SUGCT: variants seen among roughly 807,000 people sequenced by gnomAD.
The protein encoded by SUGCT is succinyl-CoA:glutarate CoA-transferase.
A neutral mutation model predicts 55.0 loss-of-function variants in SUGCT; 41 were observed. That is an observed-to-expected ratio of 0.74 (90% CI 0.58 to 0.97). The LOEUF (loss-of-function observed/expected upper bound fraction) is 0.97, where lower values mean the gene tolerates loss of function less well. Among genes scored for constraint, SUGCT ranks in the 50% least tolerant of loss-of-function variants. The probability of loss-of-function intolerance (pLI) is 0.00; values close to 1 mark genes in which losing one functional copy is unlikely to be tolerated. For missense variants in SUGCT, 568 were observed against 547.8 expected, an observed-to-expected ratio of 1.04 and a Z score of -0.37; for synonymous variants, 187 against 200.4, an observed-to-expected ratio of 0.93 and a Z score of 0.56.
At chr7:40,817,425 C>A (rs1439116845) in intron 13 of SUGCT, among the ~76,000 whole-genome samples, 1 of 152,072 alleles carries the variant, frequency 6.6e-6, no homozygotes, top group Non-Finnish European at 1.5e-5. Context: ...TGAAGACATA[C>A]TGGAGAGAAG....
chr7:40,249,568 C>T (rs1426486879), intron 7 of SUGCT, among the ~76,000 whole-genome samples: 1 of 151,260 alleles, frequency 6.6e-6, no homozygotes, highest in African/African-American at 2.4e-5. Context: ...CTTAGAATAA[C>T]ATATTTCCTT....
chr7:40,519,423 T>C (rs897219865), intron 12 of SUGCT, among the ~76,000 whole-genome samples: 15 of 152,018 alleles, frequency 9.9e-5, no homozygotes, highest in African/African-American at 3.4e-4. Context: ...CTAGAGTACA[T>C]AGGAACCCTT....
intron 12 of SUGCT, among the ~76,000 whole-genome samples, chr7:40,691,216 G>C (rs1261044201): frequency 2.0e-5 from 3 of 152,132 alleles, no homozygotes; most frequent in Non-Finnish European, 4.4e-5. Flanking sequence ...TGGTTTTTGG[G>C]CTCAAGGTCA....
At chr7:40,395,428 G>T (rs983459009) in intron 9 of SUGCT, among the ~76,000 whole-genome samples, 4 of 142,232 alleles carry the variant, frequency 2.8e-5, no homozygotes, top group African/African-American at 1.1e-4. Flanking sequence ...GGCAGAAGTT[G>T]CAGTGAGCCG....
intron 12 of SUGCT, among the ~76,000 whole-genome samples, chr7:40,498,388 G>A (rs1792100562): frequency 6.6e-6 from 1 of 152,156 alleles, no homozygotes; most frequent in South Asian, 2.1e-4. Flanking sequence ...TTATTAGAAA[G>A]GTAGGGGTTA....
At position 40,579,625 on chromosome 7, in the gene SUGCT, G is replaced by C. The variant is rs573056086; in HGVS notation, c.1089+83239G>C. Among the ~76,000 whole-genome samples, 5 of 152,324 alleles carry C rather than the reference G, an allele frequency of 3.3e-5. No individual in the cohort carries two copies. In the South Asian group the frequency reaches 1.0e-3, roughly 32 times the overall value. On this transcript the variant is annotated intron_variant, in intron 12 of 13. Transcript: ENST00000335693. ...TTATGGAAACAGACATAAATGGTGT[G>C]GGGGTGTCGTAGCACGTGGGTGTCT...
the SUGCT span, among the ~76,000 whole-genome samples, chr7:40,992,477 G>C: frequency 0.83 from 125,878 of 151,954 alleles, 52,289 homozygotes; most frequent in Non-Finnish European, 0.87. Context: ...GCCTTAACCT[G>C]TTGAAAACAC....
chr7:40,340,766 A>T lies in SUGCT; in HGVS notation c.816+23911A>T, dbSNP rs537745639. Reference sequence around the variant, plus strand: ...TTCAGAAATAAAAGCGTTTTTATACATGAAAGATAGAAGGTCGACTGGAGA... The same window carrying T: ...TTCAGAAATAAAAGCGTTTTTATACTTGAAAGATAGAAGGTCGACTGGAGA... On this transcript the variant is annotated intron_variant, in intron 9 of 13. Coordinates refer to ENST00000335693, the MANE Select transcript of SUGCT (RefSeq NM_001193313.2). Among the ~76,000 whole-genome samples, 4 of 152,360 alleles carry T rather than the reference A, an allele frequency of 2.6e-5. No individual in the cohort carries two copies. The East Asian group carries it at 7.7e-4, about 29-fold the overall frequency.
At chr7:40,376,121 T>C (rs1392084225) in intron 9 of SUGCT, among the ~76,000 whole-genome samples, 2 of 152,212 alleles carry the variant, frequency 1.3e-5, no homozygotes, top group Admixed American at 6.5e-5. Flanking sequence ...TAAAAAGTTA[T>C]AGGATTAGTA....
At chr7:40,438,177 A>G (rs1455250517) in intron 9 of SUGCT, among the ~76,000 whole-genome samples, 1 of 152,174 alleles carries the variant, frequency 6.6e-6, no homozygotes, top group East Asian at 1.9e-4. Context: ...CAGGAGCAGC[A>G]GAAATTCTCA....
intron 8 of SUGCT, among the ~76,000 whole-genome samples, chr7:40,292,887 C>T (rs190748836): frequency 6.6e-6 from 1 of 152,178 alleles, no homozygotes; most frequent in African/African-American, 2.4e-5. Flanking sequence ...TTCTGATACA[C>T]ATTCTACTTC....
At chr7:40,676,638 G>T (rs1783999041) in intron 12 of SUGCT, among the ~76,000 whole-genome samples, 1 of 151,832 alleles carries the variant, frequency 6.6e-6, no homozygotes, top group Non-Finnish European at 1.5e-5. Context: ...GAGTAGCTGG[G>T]ATTACAGGCA....
the SUGCT span, among the ~76,000 whole-genome samples, chr7:41,020,691 G>A: frequency 2.8e-4 from 42 of 152,152 alleles, 1 homozygote; most frequent in Non-Finnish European, 1.0e-4. Context: ...TCTTCTATAG[G>A]AAGTAAAGAA....
intron 12 of SUGCT, among the ~76,000 whole-genome samples, chr7:40,696,242 C>T (rs907196839): frequency 2.0e-5 from 3 of 152,182 alleles, no homozygotes; most frequent in African/African-American, 7.2e-5. Context: ...GATACCTGTG[C>T]CGTTATCCTA....
chr7:40,898,440 C>G, the SUGCT span, among the ~76,000 whole-genome samples: 2 of 119,966 alleles, frequency 1.7e-5, no homozygotes, highest in Non-Finnish European at 3.1e-5. Flanking sequence ...CTCGGCAGGG[C>G]ATTGGGGCTC....
the SUGCT span, among the ~76,000 whole-genome samples, chr7:40,944,981 C>T: frequency 2.6e-5 from 4 of 152,052 alleles, no homozygotes; most frequent in African/African-American, 7.2e-5. Context: ...GTAGAGGTCT[C>T]TTGAGGCTTA....
At chr7:41,024,856 C>A in the SUGCT span, among the ~76,000 whole-genome samples, 26 of 152,184 alleles carry the variant, frequency 1.7e-4, no homozygotes, top group South Asian at 5.4e-3. Flanking sequence ...TGCACGAGAA[C>A]CATATACTCT....
intron 7 of SUGCT, among the ~76,000 whole-genome samples, chr7:40,249,909 C>G (rs879371133): frequency 6.6e-6 from 1 of 152,102 alleles, no homozygotes; most frequent in Non-Finnish European, 1.5e-5. Context: ...GCCTCAACCT[C>G]CTGAGTAGCT....
intron 13 of SUGCT, among the ~76,000 whole-genome samples, chr7:40,779,989 C>T (rs950555486): frequency 2.0e-5 from 3 of 152,152 alleles, no homozygotes; most frequent in East Asian, 1.9e-4. Flanking sequence ...AAGCCATTGA[C>T]GATCATCATA....
Sources: allele counts gnomAD v4.1 joint callset (sites outside exome capture counted in the v4.1 genomes callset), GRCh38; gene constraint gnomAD v4.1.1; transcripts MANE v1.5; gene names NCBI Gene and HGNC (gene_info 2026-07-23, HGNC 2026-07-21).